LCORL: variants seen among roughly 807,000 people sequenced by gnomAD.
LCORL encodes the protein ligand-dependent nuclear receptor corepressor-like protein.
Under a neutral mutation model 141.8 loss-of-function variants are expected in LCORL, and 41 were observed. The observed-to-expected ratio is 0.29, with a 90% CI of 0.23 to 0.38. The LOEUF (loss-of-function observed/expected upper bound fraction) is 0.38. LCORL is among the 10% of genes least tolerant of loss of function. LCORL has a pLI of 1.00. For synonymous variants in LCORL, 618 were observed against 694.1 expected (o/e 0.89, Z 1.72); for missense variants, 1,759 against 2,035.0 (o/e 0.86, Z 2.61).
intron 4 of LCORL, chr4:17,912,805 G>C (rs533414700): frequency 6.9e-6 from 3 of 431,692 alleles, no homozygotes; most frequent in Non-Finnish European, 1.4e-5. Flanking sequence ...CAAACATCAA[G>C]GTCAAGCTGG....
Position 18,021,846 on chromosome 4 carries a change from C to G in LCORL, c.-95G>C. The G allele has an allele frequency of 7.3e-7, 1 of 1,360,908 alleles. No individual in the cohort carries two copies. Among genetic ancestry groups the G allele is most frequent in the African/African-American group, 1.5e-5 (1 of 64,636 alleles). 84.3% of individuals were successfully genotyped at this position (1,360,908 alleles called of 1,614,324 possible). A position where few individuals can be genotyped will look rare whatever the true frequency, so the allele number is the denominator to read the frequency against. ...CGGCGCGAGCCCCGGAGCGCGCGCC[C>G]CCCGGAGGGGGGTTGATTGACACGT... On this transcript the variant is annotated 5_prime_UTR_variant, in exon 1 of 8. Coordinates refer to ENST00000635767, the Ensembl canonical transcript of LCORL. The surrounding 1 kb of genome is among the most constrained non-coding windows in gnomAD (Gnocchi z 5.5).
intron 1 of LCORL, among the ~76,000 whole-genome samples, chr4:17,998,022 C>T (rs1380591566): frequency 1.3e-5 from 2 of 152,042 alleles, no homozygotes; most frequent in Non-Finnish European, 2.9e-5. Flanking sequence ...TTACACAAAC[C>T]TAAATAGAAG....
chr4:17,899,275 T>G (rs904587786), intron 5 of LCORL, among the ~76,000 whole-genome samples: 1 of 152,212 alleles, frequency 6.6e-6, no homozygotes, highest in Non-Finnish European at 1.5e-5. Context: ...AAGTTTCTTT[T>G]GTTTATACAT....
At chr4:17,984,737 G>A (rs1180202259) in intron 1 of LCORL, among the ~76,000 whole-genome samples, 2 of 152,028 alleles carry the variant, frequency 1.3e-5, no homozygotes, top group South Asian at 2.1e-4. Context: ...TCTTCTGAAT[G>A]GTTTTTCTTG....
At chr4:17,978,220 T>C (rs1717346709) in intron 1 of LCORL, among the ~76,000 whole-genome samples, 1 of 152,224 alleles carries the variant, frequency 6.6e-6, no homozygotes, top group South Asian at 2.1e-4. Flanking sequence ...GAATTTTACA[T>C]TGTGAGTGCT....
At chr4:17,882,172 T>G in intron 6 of LCORL, 1 of 984,130 alleles carries the variant, frequency 1.0e-6, no homozygotes. Context: ...GTATATATGA[T>G]TATTAAATAC....
At chr4:18,012,752 T>G (rs1724006412) in intron 1 of LCORL, among the ~76,000 whole-genome samples, 1 of 152,188 alleles carries the variant, frequency 6.6e-6, no homozygotes, top group African/African-American at 2.4e-5. Context: ...TCTAATATAT[T>G]TGCCTCAGTA....
chr4:17,962,441 A>G (rs1714010715), intron 3 of LCORL, among the ~76,000 whole-genome samples: 1 of 152,054 alleles, frequency 6.6e-6, no homozygotes. Context: ...ACAGTAGAAA[A>G]GAAATCAGAA....
chr4:17,896,354 G>A (rs985081330), intron 5 of LCORL, among the ~76,000 whole-genome samples: 1 of 152,052 alleles, frequency 6.6e-6, no homozygotes, highest in Admixed American at 6.6e-5. Flanking sequence ...CACAATCTCA[G>A]CTCACTGCAA....
intron 5 of LCORL, among the ~76,000 whole-genome samples, chr4:17,895,476 C>A (rs1213702420): frequency 6.6e-6 from 1 of 152,148 alleles, no homozygotes; most frequent in Non-Finnish European, 1.5e-5. Flanking sequence ...CACGTTGTTG[C>A]AAATGACAGG....
At chr4:17,877,475 A>G (rs192597365) in exon 7 of LCORL, 29 of 1,229,746 alleles carry the variant, frequency 2.4e-5, no homozygotes, top group African/African-American at 2.3e-4. Flanking sequence ...AGAGTAAAGA[A>G]TAAGAGTTAC....
chr4:17,880,603 TTTC>T (rs1727434519), intron 6 of LCORL: 11 of 978,170 alleles, frequency 1.1e-5, no homozygotes, highest in Non-Finnish European at 1.3e-5. Context: ...AGTCAGTTTT[TTTC>T]TTTTCTTTTC....
At chr4:17,941,693 AAAGG>A (rs1737987385) in intron 4 of LCORL, among the ~76,000 whole-genome samples, 1 of 152,160 alleles carries the variant, frequency 6.6e-6, no homozygotes, top group African/African-American at 2.4e-5. Flanking sequence ...TTGTAATTGA[AAAGG>A]AAGGGTAAAC....
intron 7 of LCORL, among the ~76,000 whole-genome samples, chr4:17,855,831 T>TA (rs908767962): frequency 6.6e-6 from 1 of 152,176 alleles, no homozygotes; most frequent in African/African-American, 2.4e-5. Flanking sequence ...ATGAATGAAA[T>TA]AAAAACTGCT....
At position 17,900,974 on chromosome 4, in the gene LCORL, C is replaced by T. The variant is rs189943551; in HGVS notation, c.682+8120G>A. 3.1e-4 allele frequency among the ~76,000 whole-genome samples: 46 copies of T among 150,124 alleles called. No homozygotes were observed. In the East Asian group the frequency reaches 6.2e-3, roughly 20 times the overall value. The stretch of plus-strand genomic sequence containing the variant: ...AAATCTGCTTCCCCTGTCACCTCAT[C>T]AAACTGCTTGTGACCCATGCTGCCT... On this transcript the variant is annotated intron_variant, in intron 5 of 7. Transcript: ENST00000635767.
At position 17,883,811 on chromosome 4, in the gene LCORL, G is replaced by A. The variant is rs74839295; in HGVS notation, c.776+2257C>T. ...GTCTGGTAATCGTAGTTTCTTCTTC[G>A]GAGGAGTCTTCAGTGTTCCAGATCT... On this transcript the variant is annotated intron_variant, in intron 6 of 7. Transcript: ENST00000635767. The A allele has an allele frequency of 1.7e-5, 27 of 1,550,438 alleles. No homozygotes were observed. Among genetic ancestry groups the A allele is most frequent in the South Asian group, 4.8e-5 (4 of 84,014 alleles).
intron 1 of LCORL, among the ~76,000 whole-genome samples, chr4:18,005,951 G>C (rs781461151): frequency 6.6e-6 from 1 of 152,142 alleles, no homozygotes; most frequent in African/African-American, 2.4e-5. Flanking sequence ...CATTACTCAC[G>C]CAAATTTCTG....
intron 1 of LCORL, chr4:18,020,573 G>GAA (rs879880011): frequency 3.2e-5 from 4 of 126,334 alleles, no homozygotes; most frequent in African/African-American, 5.7e-5. Context: ...GGCAAAAAAA[G>GAA]AAAAAAAAAA....
chr4:17,952,414 ATT>A lies in LCORL; in HGVS notation c.430+9487_430+9488del, dbSNP rs60765138. 2.4e-3 allele frequency among the ~76,000 whole-genome samples: 328 copies of A among 135,770 alleles called. 1 individual carries two copies. Among genetic ancestry groups the A allele is most frequent in the African/African-American group, 7.7e-3 (276 of 36,006 alleles). 89.1% of individuals were successfully genotyped at this position (135,770 alleles called of 152,430 possible). On this transcript the variant is annotated intron_variant, in intron 4 of 7. Coordinates refer to ENST00000635767, the Ensembl canonical transcript of LCORL. ...CCCATTTTCTTTCCCCTCAAAAACA[ATT>A]TTTTTTTTTTTTTTTTTGAGATGGG...
Sources: gnomAD v4.1 joint callset for allele counts (sites outside exome capture counted in the v4.1 genomes callset) on GRCh38, gnomAD v4.1.1 for gene constraint, Gnocchi (gnomAD v3.1) non-coding constraint, MANE v1.5 for transcripts, NCBI Gene and HGNC (gene_info 2026-07-23, HGNC 2026-07-21) for gene names.